Variants in NAF1 observed in about 807,000 individuals in gnomAD.
The protein encoded by NAF1 is H/ACA ribonucleoprotein complex non-core subunit NAF1.
Under a neutral mutation model 40.6 loss-of-function variants are expected in NAF1, and 11 were observed. That is an observed-to-expected ratio of 0.27 (90% CI 0.17 to 0.45). The LOEUF is 0.45. Ranked by LOEUF, NAF1 falls within the 20% of genes least tolerant of loss-of-function variation. NAF1 has a pLI of 1.00. For synonymous variants in NAF1, 260 were observed against 228.5 expected (o/e 1.14, Z -1.24); for missense variants, 607 against 611.1 (o/e 0.99, Z 0.07).
In NAF1 at chr4:163,137,214, C is replaced by T. The variant is rs1444869648; in HGVS notation, c.915G>A (p.Gln305=). 1 of 1,612,086 alleles carries T rather than the reference C, an allele frequency of 6.2e-7. No homozygotes were observed. ...TTATACTTACCTCTGGTGGTGGTTC[C>T]TGATCATTCTTCCATGATGCATCTG... The part of the protein sequence containing the change: ...KGSDASWKND[Q]EPPPEALDFS... Residue 305 remains glutamine, a synonymous_variant, in exon 6 of 8, where the codon CAG becomes CAA. Coordinates refer to ENST00000274054, the MANE Select transcript of NAF1 (RefSeq NM_138386.3).
At chr4:163,130,270 G>A (rs1363083064) in intron 7 of NAF1, among the ~76,000 whole-genome samples, 4 of 151,694 alleles carry the variant, frequency 2.6e-5, no homozygotes, top group Non-Finnish European at 5.9e-5. Context: ...ATCAAGCAAG[G>A]GTGTCACAAA....
At chr4:163,145,727 G>A in intron 4 of NAF1, 55 bp downstream of exon 4, 1 of 1,209,764 alleles carries the variant, frequency 8.3e-7, no homozygotes, top group Non-Finnish European at 1.2e-6. Context: ...GGGAAAGTCA[G>A]AAAAAAACAA....
chr4:163,165,901 G>A (rs950488391), intron 1 of NAF1, among the ~76,000 whole-genome samples: 1 of 152,046 alleles, frequency 6.6e-6, no homozygotes, highest in African/African-American at 2.4e-5. Context: ...ATCATCAAGA[G>A]CCAGCTTTGA....
At chr4:163,125,363 A>T (rs1730625704), downstream of NAF1, among the ~76,000 whole-genome samples, 1 of 152,258 alleles carries the variant, frequency 6.6e-6, no homozygotes, top group African/African-American at 2.4e-5. Context: ...GCAAAGAAAA[A>T]GTTCTTAAAA....
intron 7 of NAF1, among the ~76,000 whole-genome samples, chr4:163,131,558 C>G (rs1427415505): frequency 6.6e-6 from 1 of 152,136 alleles, no homozygotes; most frequent in Non-Finnish European, 1.5e-5. Flanking sequence ...AATTTTAAGA[C>G]TAACCTCACA....
downstream of NAF1, chr4:163,127,201 C>T: frequency 7.1e-7 from 1 of 1,417,900 alleles, no homozygotes; most frequent in Non-Finnish European, 9.2e-7. Context: ...GTGATCTCAG[C>T]TCATTGCAAC....
chr4:163,165,529 C>T (rs1732416487), intron 1 of NAF1, among the ~76,000 whole-genome samples: 2 of 152,206 alleles, frequency 1.3e-5, no homozygotes, highest in African/African-American at 2.4e-5. Flanking sequence ...CTTCCCCCTC[C>T]CAGTACATTT....
downstream of NAF1, chr4:163,126,783 C>G (rs1730668630): frequency 1.8e-6 from 1 of 550,844 alleles, no homozygotes; most frequent in Non-Finnish European, 2.9e-6. Context: ...GCACACTTCA[C>G]TGCTATCTAT....
chr4:163,133,685 T>A (rs1414674978), intron 6 of NAF1: 2 of 154,470 alleles, frequency 1.3e-5, no homozygotes, highest in Admixed American at 6.4e-5. Flanking sequence ...AGGTTCATTC[T>A]TTACAGGTTT....
chr4:163,164,482 T>C, intron 1 of NAF1, 91 bp from the exon 2 acceptor site: 1 of 919,888 alleles, frequency 1.1e-6, no homozygotes, highest in East Asian at 3.3e-5. Context: ...TCAACTTTAA[T>C]ACAAGTTTAC....
chr4:163,121,768 A>G (rs1258145640), downstream of NAF1, among the ~76,000 whole-genome samples: 2 of 152,220 alleles, frequency 1.3e-5, no homozygotes, highest in African/African-American at 4.8e-5. Flanking sequence ...AAAAAATTCT[A>G]AATACCCTGA....
In NAF1 at chr4:163,164,320, C is replaced by T. The variant is rs201738400; in HGVS notation, c.437G>A (p.Cys146Tyr). ...TGACAGCACTGGAGGAAGTGATATACAAGAGGAAGAAGACGACGATGAGGA... is the reference window on the plus strand; with the variant it reads ...TGACAGCACTGGAGGAAGTGATATATAAGAGGAAGAAGACGACGATGAGGA... ...SSSSSSSSSS[C>Y]ISLPPVLSDG... Residue 146 changes from cysteine to tyrosine, a missense_variant, in exon 2 of 8, where the codon TGT (cysteine) becomes TAT (tyrosine). Cys to Tyr is a radical substitution (Grantham distance 194). Transcript: ENST00000274054. The T allele has an allele frequency of 1.2e-6, 2 of 1,601,404 alleles. No individual in the cohort carries two copies. The highest frequency in any genetic ancestry group is 8.5e-7 in the Non-Finnish European group (1 of 1,175,000).
chr4:163,133,280 G>A, intron 6 of NAF1, 24 bp from the exon 7 acceptor site: 4 of 1,579,216 alleles, frequency 2.5e-6, no homozygotes, highest in Non-Finnish European at 3.5e-6. Flanking sequence ...GTATATAATA[G>A]GTTTATGTTA....
intron 2 of NAF1, among the ~76,000 whole-genome samples, chr4:163,111,994 T>G (rs1357665999): frequency 6.6e-6 from 1 of 152,114 alleles, no homozygotes; most frequent in Non-Finnish European, 1.5e-5. Flanking sequence ...CAGTTTCCAC[T>G]AATGGAGGGG....
downstream of NAF1, among the ~76,000 whole-genome samples, chr4:163,125,531 C>T (rs913011523): frequency 1.3e-5 from 2 of 152,156 alleles, no homozygotes; most frequent in East Asian, 1.9e-4. Flanking sequence ...TAACTCTCTT[C>T]GATTCTACGA....
At chr4:163,157,224 T>G (rs751920769) in intron 2 of NAF1, 11 of 152,102 alleles carry the variant, frequency 7.2e-5, no homozygotes, top group Non-Finnish European at 1.2e-4. Flanking sequence ...TTTAAAAAGC[T>G]TACATTAGAT....
chr4:163,158,729 A>G (rs1285252599), intron 2 of NAF1, among the ~76,000 whole-genome samples: 1 of 152,172 alleles, frequency 6.6e-6, no homozygotes, highest in Non-Finnish European at 1.5e-5. Flanking sequence ...AACAATGAAT[A>G]TAACTTTAAG....
intron 4 of NAF1, among the ~76,000 whole-genome samples, chr4:163,143,070 C>T (rs1425559297): frequency 6.6e-6 from 1 of 152,150 alleles, no homozygotes; most frequent in African/African-American, 2.4e-5. Flanking sequence ...GGGCAAGCAG[C>T]TTTCTTTATA....
At chr4:163,120,640 T>C (rs181560273) in intron 2 of NAF1, among the ~76,000 whole-genome samples, 1 of 152,332 alleles carries the variant, frequency 6.6e-6, no homozygotes, top group African/African-American at 2.4e-5. Flanking sequence ...CAAATAAATA[T>C]GTGTGTACTT....
Sources: allele counts gnomAD v4.1 joint callset (sites outside exome capture counted in the v4.1 genomes callset), GRCh38; gene constraint gnomAD v4.1.1; transcripts MANE v1.5; gene names NCBI Gene and HGNC (gene_info 2026-07-23, HGNC 2026-07-21).